DENND1A: variants seen among roughly 807,000 people sequenced by gnomAD.
The protein encoded by DENND1A is DENN domain-containing protein 1A.
In DENND1A, 51 loss-of-function variants were observed where a neutral mutation model predicts 113.7. The observed-to-expected ratio is 0.45, with a 90% CI of 0.36 to 0.57. The LOEUF (loss-of-function observed/expected upper bound fraction) is 0.57, where lower values mean the gene tolerates loss of function less well. DENND1A is among the 20% of genes least tolerant of loss of function. The pLI is 0.00. For synonymous variants in DENND1A, 565 were observed against 570.8 expected, an observed-to-expected ratio of 0.99 and a Z score of 0.14; for missense variants, 1,258 against 1,395.9, an observed-to-expected ratio of 0.90 and a Z score of 1.57.
At chr9:123,541,567 C>A (rs140532513) in intron 13 of DENND1A, among the ~76,000 whole-genome samples, 198 of 152,274 alleles carry the variant, frequency 1.3e-3, no homozygotes, top group Admixed American at 3.6e-3. Flanking sequence ...ATGAATAATG[C>A]CAGTGAGCTG....
chr9:123,419,521 C>G (rs554653230), intron 19 of DENND1A, among the ~76,000 whole-genome samples: 2 of 152,340 alleles, frequency 1.3e-5, no homozygotes, highest in Non-Finnish European at 2.9e-5. Context: ...GAGTGTTCAC[C>G]TGGTTAATTT....
rs563496082 is a variant in DENND1A, at chr9:123,679,648, T to A, written c.303-2859A>T. Among the ~76,000 whole-genome samples the A allele has an allele frequency of 3.9e-5, 6 of 152,326 alleles. 1 individual carries two copies. The South Asian group carries it at 1.2e-3, about 32-fold the overall frequency. ...TCTTCAAAGGGCCCCTGTTTTCCCC[T>A]GTTGGGAGGCCAGGGTTCACAGCGG... On this transcript the variant is annotated intron_variant, in intron 5 of 23. Coordinates refer to ENST00000394215, the MANE Select transcript of DENND1A (RefSeq NM_001352964.2).
chr9:123,401,926 G>C (rs947277952), intron 21 of DENND1A: 23 of 1,614,192 alleles, frequency 1.4e-5, no homozygotes, highest in Non-Finnish European at 1.9e-5. Context: ...TGTAATGCAA[G>C]AATATTCTGG....
intron 13 of DENND1A, among the ~76,000 whole-genome samples, chr9:123,507,997 C>T (rs2053119282): frequency 1.3e-5 from 2 of 152,096 alleles, no homozygotes; most frequent in African/African-American, 4.8e-5. Flanking sequence ...CAAGTTCTAG[C>T]ATCAAAATCC....
intron 13 of DENND1A, among the ~76,000 whole-genome samples, chr9:123,524,709 T>C (rs2054670947): frequency 1.3e-5 from 2 of 152,222 alleles, no homozygotes; most frequent in South Asian, 4.1e-4. Flanking sequence ...GGCTGCCCTC[T>C]GATGGAGGCT....
Position 123,749,237 on chromosome 9 carries a change from G to T in DENND1A, c.302+8466C>A, listed in dbSNP as rs370579727. Among the ~76,000 whole-genome samples the T allele has an allele frequency of 9.2e-5, 14 of 152,314 alleles. No individual in the cohort carries two copies. The East Asian group carries it at 2.7e-3, about 29-fold the overall frequency. ...CATTTTCATCATTTATAAGATGAGGGTGAGCTGTAGAACATTATTTCTGAA... is the reference window on the plus strand; with the variant it reads ...CATTTTCATCATTTATAAGATGAGGTTGAGCTGTAGAACATTATTTCTGAA... On this transcript the variant is annotated intron_variant, in intron 5 of 23. Transcript: ENST00000394215.
chr9:123,918,300 A>G (rs575802992), intron 1 of DENND1A, among the ~76,000 whole-genome samples: 4 of 150,944 alleles, frequency 2.6e-5, no homozygotes, highest in East Asian at 4.0e-4. Flanking sequence ...CATCCTGGCT[A>G]ACACGGTGAA....
At chr9:123,759,657 T>G (rs566743819) in intron 4 of DENND1A, 2 of 152,346 alleles carry the variant, frequency 1.3e-5, no homozygotes, top group East Asian at 1.9e-4. Flanking sequence ...ACTCCTGGCC[T>G]TAAGTGATCC....
chr9:123,738,539 C>A (rs189795305), intron 5 of DENND1A, among the ~76,000 whole-genome samples: 51 of 151,240 alleles, frequency 3.4e-4, no homozygotes, highest in Non-Finnish European at 5.7e-4. Context: ...TTCAATACAT[C>A]TACATACTTT....
chr9:123,724,476 G>A (rs2067556504), intron 5 of DENND1A, among the ~76,000 whole-genome samples: 1 of 150,560 alleles, frequency 6.6e-6, no homozygotes, highest in Non-Finnish European at 1.5e-5. Flanking sequence ...GGAGAGGGGA[G>A]GAGAAGAGAG....
At chr9:123,463,387 C>T (rs931221087) in intron 13 of DENND1A, among the ~76,000 whole-genome samples, 2 of 152,102 alleles carry the variant, frequency 1.3e-5, no homozygotes, top group African/African-American at 2.4e-5. Flanking sequence ...TTGATACTTC[C>T]AGAAATAAAT....
rs1475792368 is a variant in DENND1A at position 123,654,059 on chromosome 9, A to G, written c.508-1936T>C. Among the ~76,000 whole-genome samples the G allele has an allele frequency of 2.0e-5, 3 of 152,168 alleles. No homozygotes were observed. The East Asian group carries it at 5.8e-4, about 29-fold the overall frequency. On this transcript the variant is annotated intron_variant, in intron 8 of 23. Transcript: ENST00000394215. ...CCTCTTAACAAACTCAGTGAAAAAC[A>G]AAACAGCAAACACCAAAGGCAGTCG...
chr9:123,524,541 T>TA (rs2054653705), intron 13 of DENND1A, among the ~76,000 whole-genome samples: 1 of 152,040 alleles, frequency 6.6e-6, no homozygotes, highest in Non-Finnish European at 1.5e-5. Context: ...AGCATCCAAT[T>TA]AAAAAAAGGT....
intron 13 of DENND1A, among the ~76,000 whole-genome samples, chr9:123,504,633 G>A (rs1408332193): frequency 6.6e-6 from 1 of 152,192 alleles, no homozygotes; most frequent in East Asian, 1.9e-4. Context: ...AGAATCTGAG[G>A]GAGGCAGAGC....
intron 19 of DENND1A, among the ~76,000 whole-genome samples, chr9:123,420,325 G>A (rs1045189251): frequency 6.6e-6 from 1 of 152,200 alleles, no homozygotes; most frequent in South Asian, 2.1e-4. Context: ...TAGGTAGGAC[G>A]CAGAGAGGTC....
intron 19 of DENND1A, chr9:123,439,806 T>C (rs2046792468): frequency 6.6e-6 from 1 of 152,172 alleles, no homozygotes; most frequent in African/African-American, 2.4e-5. Context: ...AATGTTTTAC[T>C]TAAGGGAAAA....
In DENND1A at chr9:123,582,690, T is replaced by C. The variant is rs1175080177; in HGVS notation, c.867+479A>G. 7.3e-5 allele frequency among the ~76,000 whole-genome samples: 11 copies of C among 149,964 alleles called. No homozygotes were observed. The East Asian group carries it at 1.2e-3, about 16-fold the overall frequency. On this transcript the variant is annotated intron_variant, in intron 12 of 23. Transcript: ENST00000394215. ...CTGGGATTACAGGTGTGAGCCACTG[T>C]GCCCGGCCATTTCTTTTTTATTTTT... is the stretch of plus-strand genomic sequence containing the variant.
chr9:123,398,880 C>T (rs914136018), intron 21 of DENND1A, among the ~76,000 whole-genome samples: 8 of 149,082 alleles, frequency 5.4e-5, no homozygotes, highest in Non-Finnish European at 1.5e-5. Flanking sequence ...CTGCAAGCTC[C>T]ACCTCCTAGG....
rs192092290 is a variant in DENND1A, at chr9:123,592,406, A to T, written c.766-9136T>A. ...AGTCTGAATCCTAACTCTGCCAATT[A>T]AAACTGTGCTACCTTGGGCAAATTA... On this transcript the variant is annotated intron_variant, in intron 11 of 23. Transcript: ENST00000394215. 1.1e-4 allele frequency among the ~76,000 whole-genome samples: 16 copies of T among 152,330 alleles called. No individual in the cohort carries two copies. In the East Asian group the frequency reaches 2.1e-3, roughly 20 times the overall value.
Sources: allele counts gnomAD v4.1 joint callset (sites outside exome capture counted in the v4.1 genomes callset), GRCh38; gene constraint gnomAD v4.1.1; transcripts MANE v1.5; gene names NCBI Gene and HGNC (gene_info 2026-07-23, HGNC 2026-07-21).